TMPRSS9: variants seen among roughly 807,000 people sequenced by gnomAD.
TMPRSS9 encodes the protein transmembrane protease serine 9.
In TMPRSS9, 113 loss-of-function variants were observed where a neutral mutation model predicts 111.4. The ratio of observed to expected loss-of-function variants is 1.01; its 90% CI spans 0.87 to 1.19. The LOEUF (loss-of-function observed/expected upper bound fraction) is 1.19, where lower values mean the gene tolerates loss of function less well. Among genes scored for constraint, TMPRSS9 ranks in the 50% most tolerant of loss-of-function variants. The pLI is 0.00. For synonymous variants in TMPRSS9, 805 were observed against 659.1 expected, an observed-to-expected ratio of 1.22 and a Z score of -3.39; for missense variants, 1,803 against 1,513.1, an observed-to-expected ratio of 1.19 and a Z score of -3.18.
intron 9 of TMPRSS9, 72 bp downstream of exon 10, chr19:2,410,466 T>A: frequency 6.4e-7 from 1 of 1,565,396 alleles, no homozygotes; most frequent in Non-Finnish European, 8.6e-7. Context: ...GCTGAGCAAT[T>A]CACAGATATC....
chr19:2,389,476 T>A (rs1970541133), upstream of TMPRSS9, among the ~76,000 whole-genome samples: 1 of 151,470 alleles, frequency 6.6e-6, no homozygotes, highest in East Asian at 1.9e-4. Flanking sequence ...TTCAAGCGAT[T>A]CTCCTGCCTC....
chr19:2,403,293 A>C (rs1970894440), intron 6 of TMPRSS9, 98 bp downstream of exon 7: 2 of 1,021,886 alleles, frequency 2.0e-6, no homozygotes, highest in Middle Eastern at 2.9e-4. Flanking sequence ...TTCACTGGGC[A>C]CACAGGCCTG....
chr19:2,413,963 G>C (rs10153475), exon 10 of TMPRSS9: 472,357 of 1,609,560 alleles, frequency 0.29, 73,818 homozygotes, highest in African/African-American at 0.57. Flanking sequence ...CCACCAAATC[G>C]ATGCAGGCCC....
intron 4 of TMPRSS9, among the ~76,000 whole-genome samples, chr19:2,399,757 G>A (rs1304385052): frequency 6.6e-6 from 1 of 151,826 alleles, no homozygotes; most frequent in Non-Finnish European, 1.5e-5. Flanking sequence ...TCACTCTGTT[G>A]CCCAGTCTGG....
chr19:2,394,509 C>T (rs1421648338), intron 1 of TMPRSS9, among the ~76,000 whole-genome samples: 3 of 152,262 alleles, frequency 2.0e-5, no homozygotes, highest in Non-Finnish European at 2.9e-5. Context: ...CTGCAACTTC[C>T]TGAATCTGCA....
chr19:2,388,486 G>A (rs545775416), upstream of TMPRSS9, among the ~76,000 whole-genome samples: 11 of 152,284 alleles, frequency 7.2e-5, no homozygotes, highest in African/African-American at 2.2e-4. Context: ...GGCTTAAGAC[G>A]CTGGTAAAGA....
At chr19:2,414,878 A>G (rs1971189033) in intron 10 of TMPRSS9, among the ~76,000 whole-genome samples, 1 of 151,894 alleles carries the variant, frequency 6.6e-6, no homozygotes, top group South Asian at 2.1e-4. Context: ...TCCATCTCGA[A>G]AAAGAAAAAA....
intron 1 of TMPRSS9, among the ~76,000 whole-genome samples, chr19:2,366,896 T>C (rs1486789520): frequency 6.8e-6 from 1 of 147,928 alleles, no homozygotes; most frequent in Non-Finnish European, 1.5e-5. Flanking sequence ...CAGGGCTGCC[T>C]CATCTGAAAG....
rs200935461 is a variant in TMPRSS9, at chr19:2,389,856, C to T, written c.71C>T (p.Ala24Val). Residue 24 changes from alanine to valine, a missense_variant, in exon 1 of 18, where the codon GCG (alanine) becomes GTG (valine). By Grantham distance (64) the Ala-to-Val change is moderately conservative. Coordinates refer to ENST00000648592, the Ensembl canonical transcript of TMPRSS9. ...AAGGAAGTCCCCGCTCTGGATGCCGCGTGCTGTCGAGCGGCCAGCATTGGC... is the reference window on the plus strand; with the variant it reads ...AAGGAAGTCCCCGCTCTGGATGCCGTGTGCTGTCGAGCGGCCAGCATTGGC... The T allele has an allele frequency of 1.7e-5, 27 of 1,614,060 alleles. No individual in the cohort carries two copies. In the African/African-American group the frequency reaches 2.9e-4, roughly 18 times the overall value.
intron 13 of TMPRSS9, among the ~76,000 whole-genome samples, chr19:2,419,943 G>A (rs932999793): frequency 6.6e-6 from 1 of 152,038 alleles, no homozygotes; most frequent in Non-Finnish European, 1.5e-5. Flanking sequence ...AGGATCAGTC[G>A]AGGCCAGGAT....
upstream of TMPRSS9, among the ~76,000 whole-genome samples, chr19:2,385,060 C>T (rs1437735296): frequency 2.6e-5 from 4 of 151,452 alleles, no homozygotes. Context: ...CTTTGGGAGG[C>T]CGAGGCGGGC....
rs756223737 is a variant in TMPRSS9, at chr19:2,425,944, C to A, written c.3138C>A (p.Pro1046=). 8.7e-6 allele frequency: 14 copies of A among 1,600,398 alleles called. No individual in the cohort carries two copies. The South Asian group carries it at 1.2e-4, about 14-fold the overall frequency. The stretch of plus-strand genomic sequence containing the variant: ...CCCAACAGGGTGACGCTGGGGGACC[C>A]CTGGCCTGCAGGGAGCCCTCTGGAC... Residue 1046 remains proline (P), a synonymous_variant, in exon 18 of 18, where the codon CCC becomes CCA. Transcript: ENST00000648592.
chr19:2,423,202 T>C (rs1387242848), intron 14 of TMPRSS9, among the ~76,000 whole-genome samples: 6 of 151,796 alleles, frequency 4.0e-5, no homozygotes, highest in Non-Finnish European at 7.4e-5. Flanking sequence ...TTTCTCAGTC[T>C]CAGCTGATTT....
At chr19:2,372,098 C>G (rs536407755) in intron 1 of TMPRSS9, among the ~76,000 whole-genome samples, 1 of 152,266 alleles carries the variant, frequency 6.6e-6, no homozygotes, top group East Asian at 1.9e-4. Context: ...CTCAAGTGAT[C>G]CGCCTGCCTT....
At chr19:2,421,961 G>A (rs765149321) in exon 14 of TMPRSS9, 2 of 1,613,092 alleles carry the variant, frequency 1.2e-6, no homozygotes, top group African/African-American at 1.3e-5. Flanking sequence ...AGCCGGGCGT[G>A]TACACGCGCA....
intron 2 of TMPRSS9, among the ~76,000 whole-genome samples, chr19:2,397,042 T>A (rs952438938): frequency 6.6e-6 from 1 of 151,686 alleles, no homozygotes; most frequent in Admixed American, 6.6e-5. Flanking sequence ...TGCCTCAGCC[T>A]CCCGAGTAGC....
At chr19:2,391,109 C>A (rs544204005) in intron 1 of TMPRSS9, among the ~76,000 whole-genome samples, 2 of 150,724 alleles carry the variant, frequency 1.3e-5, no homozygotes, top group Admixed American at 6.6e-5. Flanking sequence ...TGGTGGTGCA[C>A]GCCTGTTATC....
At chr19:2,415,815 G>C in exon 11 of TMPRSS9, 1 of 1,600,524 alleles carries the variant, frequency 6.2e-7, no homozygotes, top group Non-Finnish European at 8.5e-7. Flanking sequence ...ACCGCTGGCT[G>C]CTGTCTGCCG....
intron 13 of TMPRSS9, 147 bp downstream of exon 14, chr19:2,418,285 TTCC>T (rs1289610350): frequency 3.0e-6 from 2 of 660,490 alleles, no homozygotes; most frequent in East Asian, 6.9e-5. Flanking sequence ...TCCTTTTCCT[TTCC>T]TCCTTTCCTT....
Sources: gnomAD v4.1 joint callset for allele counts (sites outside exome capture counted in the v4.1 genomes callset) on GRCh38, gnomAD v4.1.1 for gene constraint, MANE v1.5 for transcripts, NCBI Gene and HGNC (gene_info 2026-07-23, HGNC 2026-07-21) for gene names.